Variants in DNMBP observed in about 807,000 individuals in gnomAD.
DNMBP encodes the protein dynamin binding protein, also known as dynamin-binding protein.
In DNMBP, 87 loss-of-function variants were observed where a neutral mutation model predicts 150.0. The ratio of observed to expected loss-of-function variants is 0.58; its 90% CI spans 0.49 to 0.69. The LOEUF (loss-of-function observed/expected upper bound fraction) is 0.69, where lower values mean the gene tolerates loss of function less well. Ranked by LOEUF, DNMBP falls within the 30% of genes least tolerant of loss-of-function variation. The pLI, the probability that DNMBP is intolerant of heterozygous loss-of-function variation, is 0.00. For synonymous variants in DNMBP, 711 were observed against 750.4 expected, an observed-to-expected ratio of 0.95 and a Z score of 0.86; for missense variants, 1,774 against 1,949.0, an observed-to-expected ratio of 0.91 and a Z score of 1.69.
chr10:99,978,288 C>T (rs1337116928), intron 1 of DNMBP, among the ~76,000 whole-genome samples: 1 of 152,158 alleles, frequency 6.6e-6, no homozygotes, highest in African/African-American at 2.4e-5. Flanking sequence ...TCAACATCCT[C>T]TAGACTTCCA....
rs556794592 is a variant in DNMBP, at chr10:100,000,873, A to C, written c.-11+8965T>G. Among the ~76,000 whole-genome samples, 716 of 149,798 alleles carry C rather than the reference A, an allele frequency of 4.8e-3. 13 individuals are homozygous for C. Among genetic ancestry groups the C allele is most frequent in the African/African-American group, 0.016 (655 of 40,950 alleles). ...ACCTGTTATGGCAAAAAAAAAAAAA[A>C]AAAAAAAAAAAAAACCCAGCAGGGT... On this transcript the variant is annotated intron_variant, in intron 1 of 16. Transcript: ENST00000324109.
At chr10:99,921,810 T>G (rs1320966171) in intron 4 of DNMBP, among the ~76,000 whole-genome samples, 1 of 126,626 alleles carries the variant, frequency 7.9e-6, no homozygotes, top group East Asian at 2.3e-4. Flanking sequence ...GGCTGCAGTG[T>G]GCCAAGATCA....
At chr10:99,987,613 A>G (rs2040842924) in intron 1 of DNMBP, among the ~76,000 whole-genome samples, 1 of 152,106 alleles carries the variant, frequency 6.6e-6, no homozygotes, top group Non-Finnish European at 1.5e-5. Context: ...GTGCACCTGT[A>G]GTCCCAGCTA....
At chr10:99,889,126 CG>C in intron 11 of DNMBP, 173 bp from the exon 12 acceptor site, 1 of 673,070 alleles carries the variant, frequency 1.5e-6, no homozygotes, top group Non-Finnish European at 2.4e-6. Flanking sequence ...CTATGACTTA[CG>C]GGGCACAGAG....
chr10:99,996,583 G>A (rs1037173817), intron 1 of DNMBP, among the ~76,000 whole-genome samples: 2 of 152,068 alleles, frequency 1.3e-5, no homozygotes, highest in African/African-American at 4.8e-5. Flanking sequence ...TTTAATCAAA[G>A]CAAAATCCTT....
intron 4 of DNMBP, among the ~76,000 whole-genome samples, chr10:99,941,102 C>T (rs372196250): frequency 6.6e-6 from 1 of 152,102 alleles, no homozygotes; most frequent in Admixed American, 6.5e-5. Context: ...TCCGGATGGT[C>T]GCAAACTCCT....
At chr10:99,925,315 AAC>A (rs1266726028) in intron 4 of DNMBP, among the ~76,000 whole-genome samples, 1 of 152,186 alleles carries the variant, frequency 6.6e-6, no homozygotes, top group Non-Finnish European at 1.5e-5. Flanking sequence ...TTACCTTGGA[AAC>A]ACATTTCAAT....
chr10:100,008,101 G>A (rs1250601620), intron 1 of DNMBP, among the ~76,000 whole-genome samples: 1 of 152,180 alleles, frequency 6.6e-6, no homozygotes, highest in Non-Finnish European at 1.5e-5. Context: ...CAAAAGCCAG[G>A]CTCGGTGGCT....
At chr10:99,986,082 C>G (rs1321902652) in intron 1 of DNMBP, among the ~76,000 whole-genome samples, 1 of 152,088 alleles carries the variant, frequency 6.6e-6, no homozygotes, top group African/African-American at 2.4e-5. Context: ...AGCCTTTTTT[C>G]CCTCTCTAAG....
intron 4 of DNMBP, chr10:99,931,080 C>T: frequency 3.7e-6 from 1 of 267,624 alleles, no homozygotes; most frequent in Non-Finnish European, 7.0e-6. Flanking sequence ...GGCTGCTTTA[C>T]TTGCTGAAGA....
intron 4 of DNMBP, among the ~76,000 whole-genome samples, chr10:99,919,749 G>A (rs928983000): frequency 6.6e-6 from 1 of 152,202 alleles, no homozygotes; most frequent in African/African-American, 2.4e-5. Flanking sequence ...ATGGTGCCAC[G>A]GCACTACAGC....
chr10:99,974,558 T>G (rs1464873636), intron 1 of DNMBP, among the ~76,000 whole-genome samples: 1 of 151,418 alleles, frequency 6.6e-6, no homozygotes, highest in Non-Finnish European at 1.5e-5. Context: ...CAGGCTGGAG[T>G]GCAAAAATAG....
At chr10:99,982,446 A>AAAAT (rs1209676265) in intron 1 of DNMBP, among the ~76,000 whole-genome samples, 24 of 152,120 alleles carry the variant, frequency 1.6e-4, no homozygotes, top group Non-Finnish European at 2.8e-4. Context: ...CCTGTCTCAA[A>AAAAT]AAATAAATAA....
intron 3 of DNMBP, among the ~76,000 whole-genome samples, chr10:99,964,135 CTTTTTTTTTTT>C (rs895801002): frequency 4.6e-5 from 4 of 87,224 alleles, no homozygotes; most frequent in African/African-American, 9.8e-5. Context: ...TATTCTCTCT[CTTTTTTTTTTT>C]TTTTTTTTTT....
chr10:99,883,912 C>A (rs2039409827), intron 15 of DNMBP, 99 bp downstream of exon 15: 1 of 1,043,994 alleles, frequency 9.6e-7, no homozygotes, highest in African/African-American at 1.8e-5. Context: ...ATCAAAGATA[C>A]TTTTTGCTTT....
intron 1 of DNMBP, among the ~76,000 whole-genome samples, chr10:99,986,687 G>GTGATA (rs1481858502): frequency 6.7e-6 from 1 of 148,906 alleles, no homozygotes; most frequent in Non-Finnish European, 1.5e-5. Context: ...ACAAACGCAA[G>GTGATA]TGAGCTTGAA....
intron 15 of DNMBP, 152 bp downstream of exon 15, chr10:99,883,859 C>T: frequency 1.5e-6 from 1 of 674,564 alleles, no homozygotes; most frequent in Non-Finnish European, 2.5e-6. Context: ...TCTTCACTCT[C>T]TAGAGAAGGT....
At chr10:99,991,739 T>C (rs1564756799) in intron 1 of DNMBP, among the ~76,000 whole-genome samples, 2 of 151,624 alleles carry the variant, frequency 1.3e-5, no homozygotes, top group Non-Finnish European at 1.5e-5. Context: ...ACCCCATCTC[T>C]ACTAAAAATA....
chr10:99,902,184 C>T (rs537471638), intron 6 of DNMBP, among the ~76,000 whole-genome samples: 2 of 151,976 alleles, frequency 1.3e-5, no homozygotes, highest in Non-Finnish European at 2.9e-5. Context: ...AGTCACCATG[C>T]CTGGCCTAAA....
Sources: allele counts gnomAD v4.1 joint callset (sites outside exome capture counted in the v4.1 genomes callset), GRCh38; gene constraint gnomAD v4.1.1; transcripts MANE v1.5; gene names NCBI Gene and HGNC (gene_info 2026-07-23, HGNC 2026-07-21).